Variants in LRBA observed in about 807,000 individuals in gnomAD.
The protein encoded by LRBA is lipopolysaccharide-responsive and beige-like anchor protein.
Under a neutral mutation model 330.0 loss-of-function variants are expected in LRBA, and 176 were observed. The ratio of observed to expected loss-of-function variants is 0.53; its 90% CI spans 0.47 to 0.60. The LOEUF (loss-of-function observed/expected upper bound fraction) is 0.60. Ranked by LOEUF, LRBA falls within the 20% of genes least tolerant of loss-of-function variation. The pLI is 0.00. For missense variants in LRBA, 3,259 were observed against 3,444.8 expected, an observed-to-expected ratio of 0.95 and a Z score of 1.35; for synonymous variants, 1,230 against 1,193.0, an observed-to-expected ratio of 1.03 and a Z score of -0.64.
chr4:150,511,654 T>C (rs540015419), intron 40 of LRBA, among the ~76,000 whole-genome samples: 45 of 152,248 alleles, frequency 3.0e-4, no homozygotes, highest in Non-Finnish European at 4.1e-4. Flanking sequence ...GATCTCATTG[T>C]ATCCCAGGAT....
At chr4:150,550,170 T>G (rs770095020) in intron 40 of LRBA, among the ~76,000 whole-genome samples, 1 of 152,244 alleles carries the variant, frequency 6.6e-6, no homozygotes. Context: ...TAAAATTTTA[T>G]GTAAAGTAAA....
chr4:150,604,342 T>C (rs1009833916), intron 37 of LRBA, among the ~76,000 whole-genome samples: 1 of 151,564 alleles, frequency 6.6e-6, no homozygotes, highest in Non-Finnish European at 1.5e-5. Context: ...AGTTGGAGGT[T>C]GCTGTGAGCT....
At position 150,975,878 on chromosome 4, in the gene LRBA, G is replaced by C. The variant is rs1435650215; in HGVS notation, c.216+38549C>G. 2.6e-5 allele frequency among the ~76,000 whole-genome samples: 4 copies of C among 152,196 alleles called. No homozygotes were observed. The South Asian group carries it at 8.3e-4, about 32-fold the overall frequency. On this transcript the variant is annotated intron_variant, in intron 2 of 56. Transcript: ENST00000651943. ...CACTGGAGTTCCAAAAAGGAGAGTA[G>C]AGGCCGGGCGCAGTGGCTCACGCCT...
intron 14 of LRBA, among the ~76,000 whole-genome samples, chr4:150,899,789 C>T (rs1730521544): frequency 6.6e-6 from 1 of 152,100 alleles, no homozygotes; most frequent in Non-Finnish European, 1.5e-5. Context: ...CTTACAACAA[C>T]CATCCTAGTC....
chr4:150,646,841 G>A (rs1779185759), intron 37 of LRBA, among the ~76,000 whole-genome samples: 1 of 152,076 alleles, frequency 6.6e-6, no homozygotes, highest in African/African-American at 2.4e-5. Context: ...GCTCATTGGA[G>A]CATTTCGGAC....
chr4:150,565,238 A>G (rs1768974760), intron 40 of LRBA, among the ~76,000 whole-genome samples: 1 of 152,154 alleles, frequency 6.6e-6, no homozygotes, highest in Admixed American at 6.6e-5. Flanking sequence ...CATCATCCTC[A>G]GCAAACACAG....
At chr4:150,982,787 C>G (rs1741004000) in intron 2 of LRBA, among the ~76,000 whole-genome samples, 2 of 152,136 alleles carry the variant, frequency 1.3e-5, no homozygotes, top group South Asian at 4.1e-4. Context: ...ATCAGTTTAA[C>G]CAAGTGAATC....
chr4:150,482,078 T>C (rs1176946831), intron 42 of LRBA, among the ~76,000 whole-genome samples: 2 of 152,134 alleles, frequency 1.3e-5, no homozygotes, highest in Non-Finnish European at 2.9e-5. Flanking sequence ...TCATTATTTT[T>C]AGGTGTACAA....
chr4:150,519,584 T>C (rs191721705), intron 40 of LRBA, among the ~76,000 whole-genome samples: 52 of 152,292 alleles, frequency 3.4e-4, no homozygotes, highest in Admixed American at 3.3e-3. Flanking sequence ...ATTGTATAAA[T>C]GTAACATGAT....
intron 47 of LRBA, among the ~76,000 whole-genome samples, chr4:150,388,042 G>C (rs539645611): frequency 3.4e-4 from 52 of 152,132 alleles, no homozygotes; most frequent in Non-Finnish European, 6.3e-4. Flanking sequence ...AGTTCTGAAG[G>C]CTGAATTAAT....
intron 47 of LRBA, among the ~76,000 whole-genome samples, chr4:150,388,753 A>G (rs1433817950): frequency 6.6e-6 from 1 of 152,216 alleles, no homozygotes; most frequent in East Asian, 1.9e-4. Flanking sequence ...GAAGGCAGGG[A>G]CTTTATCATC....
At chr4:150,346,978 T>C (rs1030539868) in intron 48 of LRBA, among the ~76,000 whole-genome samples, 11 of 150,464 alleles carry the variant, frequency 7.3e-5, no homozygotes, top group Non-Finnish European at 1.5e-4. Context: ...CCCATTGATA[T>C]ATAAATGGAT....
chr4:151,001,338 C>G (rs1180462704), intron 2 of LRBA, among the ~76,000 whole-genome samples: 2 of 152,144 alleles, frequency 1.3e-5, no homozygotes, highest in Non-Finnish European at 2.9e-5. Flanking sequence ...TGCCCCTCAC[C>G]CAATCATTCC....
chr4:150,625,732 C>T (rs1776787293), intron 37 of LRBA, among the ~76,000 whole-genome samples: 1 of 148,740 alleles, frequency 6.7e-6, no homozygotes, highest in Non-Finnish European at 1.5e-5. Flanking sequence ...TTTTTTGAGA[C>T]AGTTTCGCTC....
At chr4:150,280,816 G>C (rs1417734806) in intron 55 of LRBA, among the ~76,000 whole-genome samples, 4 of 152,240 alleles carry the variant, frequency 2.6e-5, no homozygotes, top group African/African-American at 9.6e-5. Context: ...GAGGTAGTGA[G>C]CTGTGAAAGT....
chr4:150,333,005 A>G (rs968919337), intron 48 of LRBA, among the ~76,000 whole-genome samples: 1 of 152,170 alleles, frequency 6.6e-6, no homozygotes, highest in Admixed American at 6.6e-5. Flanking sequence ...ATATAGAAAA[A>G]GAGACAATAT....
chr4:150,433,267 A>AT (rs758193512), intron 46 of LRBA, among the ~76,000 whole-genome samples: 92 of 151,934 alleles, frequency 6.1e-4, no homozygotes, highest in Non-Finnish European at 1.1e-3. Flanking sequence ...TTTCTTTTTT[A>AT]TTTTTTTTAC....
chr4:150,313,535 G>C (rs1427056183), intron 51 of LRBA, among the ~76,000 whole-genome samples: 10 of 152,068 alleles, frequency 6.6e-5, no homozygotes, highest in Non-Finnish European at 8.8e-5. Flanking sequence ...CAGTGATCTA[G>C]GGCAGGGACA....
chr4:150,734,093 G>T (rs1730872089), intron 36 of LRBA, among the ~76,000 whole-genome samples: 1 of 152,014 alleles, frequency 6.6e-6, no homozygotes, highest in African/African-American at 2.4e-5. Flanking sequence ...CATTTAAAAT[G>T]ATATTTAATA....
Sources: gnomAD v4.1 joint callset for allele counts (sites outside exome capture counted in the v4.1 genomes callset) on GRCh38, gnomAD v4.1.1 for gene constraint, MANE v1.5 for transcripts, NCBI Gene and HGNC (gene_info 2026-07-23, HGNC 2026-07-21) for gene names.